MCPH1: variants seen among roughly 807,000 people sequenced by gnomAD.
The protein encoded by MCPH1 is microcephalin 1.
Under a neutral mutation model 84.5 loss-of-function variants are expected in MCPH1, and 104 were observed. That is an observed-to-expected ratio of 1.23 (90% CI 1.05 to 1.45). The LOEUF is 1.45. Ranked by LOEUF, MCPH1 falls within the 40% of genes most tolerant of loss-of-function variation. MCPH1 has a pLI of 0.00. For missense variants in MCPH1, 1,498 were observed against 1,005.7 expected, an observed-to-expected ratio of 1.49 and a Z score of -6.62; for synonymous variants, 514 against 366.8, an observed-to-expected ratio of 1.40 and a Z score of -4.58.
intron 11 of MCPH1, 43 bp downstream of exon 11, chr8:6,480,919 T>A: frequency 6.2e-7 from 1 of 1,606,416 alleles, no homozygotes; most frequent in East Asian, 2.2e-5. Flanking sequence ...ACAAGGCATT[T>A]TGATAGAGTG....
chr8:6,455,116 C>T, intron 8 of MCPH1, 27 bp from the exon 9 acceptor site: 1 of 1,565,816 alleles, frequency 6.4e-7, no homozygotes, highest in South Asian at 1.1e-5. Flanking sequence ...AAAGTTCTAA[C>T]TAATTTTTAA....
chr8:6,582,245 A>G (rs1827620035), intron 12 of MCPH1, among the ~76,000 whole-genome samples: 1 of 152,222 alleles, frequency 6.6e-6, no homozygotes. Context: ...TACGCCTTGC[A>G]TACACAAAGT....
At chr8:6,543,417 G>A (rs1821961838) in intron 12 of MCPH1, among the ~76,000 whole-genome samples, 1 of 152,106 alleles carries the variant, frequency 6.6e-6, no homozygotes, top group Admixed American at 6.6e-5. Context: ...AGAGTAAATG[G>A]ATGCAAACAC....
At chr8:6,479,744 G>T (rs950113389) in intron 10 of MCPH1, among the ~76,000 whole-genome samples, 6 of 152,150 alleles carry the variant, frequency 3.9e-5, no homozygotes, top group African/African-American at 1.4e-4. Flanking sequence ...GCATAGAAAG[G>T]TTATTATAAA....
chr8:6,516,442 G>GT (rs1369092960), intron 12 of MCPH1, among the ~76,000 whole-genome samples: 2 of 151,974 alleles, frequency 1.3e-5, no homozygotes, highest in South Asian at 2.1e-4. Flanking sequence ...TTCCTGTTAT[G>GT]TTTTTTTTCC....
intron 12 of MCPH1, among the ~76,000 whole-genome samples, chr8:6,556,432 C>T (rs151203616): frequency 2.0e-3 from 300 of 152,098 alleles, no homozygotes; most frequent in African/African-American, 6.8e-3. Flanking sequence ...CGTGTAGTGA[C>T]CAAGGACTTA....
At chr8:6,446,797 A>C in intron 8 of MCPH1, 6 of 985,334 alleles carry the variant, frequency 6.1e-6, no homozygotes, top group Non-Finnish European at 7.2e-6. Context: ...GGTAGCAAAC[A>C]GTGTGGCATG....
At chr8:6,479,937 C>A (rs1455537113) in intron 10 of MCPH1, among the ~76,000 whole-genome samples, 2 of 151,718 alleles carry the variant, frequency 1.3e-5, no homozygotes, top group Non-Finnish European at 2.9e-5. Flanking sequence ...TCTTTTTTCC[C>A]CTCTTAGTAG....
chr8:6,629,443 C>A (rs1309522074), intron 13 of MCPH1, among the ~76,000 whole-genome samples: 2 of 152,160 alleles, frequency 1.3e-5, no homozygotes, highest in African/African-American at 2.4e-5. Flanking sequence ...ACCTGTGCAA[C>A]AGAGCAAAAC....
At chr8:6,414,449 C>G (rs1229999367) in intron 2 of MCPH1, among the ~76,000 whole-genome samples, 2 of 152,188 alleles carry the variant, frequency 1.3e-5, no homozygotes, top group African/African-American at 4.8e-5. Flanking sequence ...TTATCTGACT[C>G]TTTCCATCTT....
chr8:6,514,724 C>T lies in MCPH1; in HGVS notation c.2214+14795C>T, dbSNP rs375258890. 2.0e-5 allele frequency: 32 copies of T among 1,613,986 alleles called. No homozygotes were observed. The highest frequency in any genetic ancestry group is 2.7e-5 in the Non-Finnish European group (32 of 1,180,026). On this transcript the variant is annotated intron_variant, in intron 12 of 13. Coordinates refer to ENST00000344683, the MANE Select transcript of MCPH1 (RefSeq NM_024596.5). The stretch of plus-strand genomic sequence containing the variant: ...CTCTGAAAATCAACGCTGCCATCCT[C>T]ACGTCGCTGAATAATTGTCCACCCG...
At chr8:6,567,900 T>A (rs745370733) in intron 12 of MCPH1, among the ~76,000 whole-genome samples, 1 of 152,236 alleles carries the variant, frequency 6.6e-6, no homozygotes, top group Non-Finnish European at 1.5e-5. Flanking sequence ...AAAATCCACC[T>A]GCCTACCCAC....
chr8:6,592,820 A>ATTTT (rs67091563), intron 12 of MCPH1, among the ~76,000 whole-genome samples: 133 of 134,302 alleles, frequency 9.9e-4, no homozygotes, highest in African/African-American at 3.7e-3. Flanking sequence ...ACACCTGGCA[A>ATTTT]TTTTTTTTTT....
intron 12 of MCPH1, among the ~76,000 whole-genome samples, chr8:6,519,669 G>A (rs1048198764): frequency 1.3e-5 from 2 of 152,200 alleles, no homozygotes; most frequent in Admixed American, 1.3e-4. Context: ...TGCAGCTTTT[G>A]TATTTTCTGC....
intron 5 of MCPH1, 135 bp downstream of exon 5, chr8:6,436,297 A>G (rs879907364): frequency 6.0e-6 from 6 of 1,000,460 alleles, no homozygotes; most frequent in Non-Finnish European, 8.6e-6. Context: ...AGGAGAAAAC[A>G]AAATGTCAGG....
chr8:6,509,191 C>T, intron 12 of MCPH1: 1 of 1,198,046 alleles, frequency 8.3e-7, no homozygotes, highest in East Asian at 2.4e-5. Context: ...CTAATGCATA[C>T]TCTGGACAAA....
chr8:6,473,016 T>C (rs1807953386), intron 9 of MCPH1, among the ~76,000 whole-genome samples: 1 of 152,122 alleles, frequency 6.6e-6, no homozygotes, highest in Non-Finnish European at 1.5e-5. Context: ...AAGGGTAAAA[T>C]AAAGTCAATA....
chr8:6,475,073 C>G (rs1411225250), intron 9 of MCPH1, among the ~76,000 whole-genome samples: 1 of 152,156 alleles, frequency 6.6e-6, no homozygotes, highest in East Asian at 1.9e-4. Context: ...TTATAGGTGT[C>G]TCTTTATTTC....
intron 8 of MCPH1, among the ~76,000 whole-genome samples, chr8:6,450,320 C>T (rs1004883340): frequency 1.3e-5 from 2 of 152,076 alleles, no homozygotes; most frequent in East Asian, 1.9e-4. Flanking sequence ...AGGCCCAGTT[C>T]TCTGTCCTTT....
Sources: allele counts gnomAD v4.1 joint callset (sites outside exome capture counted in the v4.1 genomes callset), GRCh38; gene constraint gnomAD v4.1.1; transcripts MANE v1.5; gene names NCBI Gene and HGNC (gene_info 2026-07-23, HGNC 2026-07-21).